Variants in LRP1B observed in about 807,000 individuals in gnomAD.
LRP1B encodes low-density lipoprotein receptor-related protein 1B.
In LRP1B, 217 loss-of-function variants were observed where a neutral mutation model predicts 556.6. That is an observed-to-expected ratio of 0.39 (90% CI 0.35 to 0.44). LRP1B has a LOEUF of 0.44. LRP1B is among the 20% of genes least tolerant of loss of function. The pLI is 1.00. For synonymous variants in LRP1B, 2,047 were observed against 1,865.8 expected, an observed-to-expected ratio of 1.10 and a Z score of -2.50; for missense variants, 5,053 against 5,620.8, an observed-to-expected ratio of 0.90 and a Z score of 3.23.
chr2:140,997,624 G>T (rs1573965077), intron 15 of LRP1B, among the ~76,000 whole-genome samples: 2 of 151,694 alleles, frequency 1.3e-5, no homozygotes, highest in Admixed American at 6.6e-5. Context: ...AATAGCATTT[G>T]TCCTGGAACA....
intron 2 of LRP1B, among the ~76,000 whole-genome samples, chr2:141,566,245 GA>G (rs1326290960): frequency 6.6e-6 from 1 of 151,310 alleles, no homozygotes. Context: ...GGCAGACTGG[GA>G]AATTAAAACT....
intron 31 of LRP1B, among the ~76,000 whole-genome samples, chr2:140,815,627 A>C (rs1356416375): frequency 6.6e-6 from 1 of 152,152 alleles, no homozygotes; most frequent in Non-Finnish European, 1.5e-5. Flanking sequence ...TGATCTGGGC[A>C]CTGGTTATAT....
At chr2:141,541,890 T>C (rs1485703734) in intron 2 of LRP1B, among the ~76,000 whole-genome samples, 2 of 152,042 alleles carry the variant, frequency 1.3e-5, no homozygotes, top group Non-Finnish European at 2.9e-5. Context: ...AATCTGTAAA[T>C]TGCTAAATAT....
At chr2:141,920,450 G>C (rs1431190359) in intron 1 of LRP1B, among the ~76,000 whole-genome samples, 1 of 151,900 alleles carries the variant, frequency 6.6e-6, no homozygotes, top group Non-Finnish European at 1.5e-5. Flanking sequence ...AGAAAGAAGA[G>C]AAAGAAAATG....
chr2:140,775,905 C>T (rs145638807), intron 33 of LRP1B, among the ~76,000 whole-genome samples, 193 bp downstream of exon 33: 1 of 152,210 alleles, frequency 6.6e-6, no homozygotes, highest in East Asian at 1.9e-4. Flanking sequence ...GGCAGGTTTG[C>T]TAATGCTTTC....
intron 3 of LRP1B, among the ~76,000 whole-genome samples, chr2:141,362,511 C>T (rs756684748): frequency 1.3e-5 from 2 of 152,236 alleles, no homozygotes; most frequent in Non-Finnish European, 2.9e-5. Context: ...AGCAGTAAAA[C>T]TTTGCCACTT....
At chr2:141,986,384 G>A (rs370281558) in intron 1 of LRP1B, among the ~76,000 whole-genome samples, 3 of 151,878 alleles carry the variant, frequency 2.0e-5, no homozygotes, top group Admixed American at 6.6e-5. Flanking sequence ...TGTAAATACA[G>A]TTTCATCTGT....
intron 3 of LRP1B, among the ~76,000 whole-genome samples, chr2:141,312,382 A>T (rs1686845632): frequency 6.6e-6 from 1 of 152,082 alleles, no homozygotes; most frequent in South Asian, 2.1e-4. Context: ...ATCTTACTTT[A>T]TTGTAAGAAT....
intron 2 of LRP1B, among the ~76,000 whole-genome samples, chr2:141,775,847 T>C (rs888182918): frequency 1.3e-5 from 2 of 151,408 alleles, no homozygotes; most frequent in Admixed American, 1.3e-4. Context: ...TTTTCCTTTT[T>C]TTTTTTTTTT....
intron 7 of LRP1B, among the ~76,000 whole-genome samples, chr2:141,088,460 A>G (rs1185480677): frequency 6.6e-6 from 1 of 152,180 alleles, no homozygotes; most frequent in Non-Finnish European, 1.5e-5. Context: ...CCTGCTTGAA[A>G]ATGACGGCTT....
chr2:141,101,222 A>G (rs1700452300), intron 7 of LRP1B, among the ~76,000 whole-genome samples: 1 of 152,158 alleles, frequency 6.6e-6, no homozygotes, highest in South Asian at 2.1e-4. Flanking sequence ...GAGCAGGACC[A>G]GGGAAGACTC....
At chr2:142,028,632 C>T (rs778767953) in intron 1 of LRP1B, among the ~76,000 whole-genome samples, 3 of 151,918 alleles carry the variant, frequency 2.0e-5, no homozygotes, top group Non-Finnish European at 4.4e-5. Flanking sequence ...TTGATATAAA[C>T]ATTCACATAC....
At chr2:141,551,322 T>C (rs1417260459) in intron 2 of LRP1B, among the ~76,000 whole-genome samples, 3 of 152,154 alleles carry the variant, frequency 2.0e-5, no homozygotes, top group South Asian at 4.1e-4. Flanking sequence ...TCCAAGGTTA[T>C]TCATTAAACA....
At chr2:140,661,023 C>T (rs536999105) in intron 41 of LRP1B, among the ~76,000 whole-genome samples, 84 of 151,860 alleles carry the variant, frequency 5.5e-4, no homozygotes, top group Non-Finnish European at 1.1e-3. Context: ...TCTATGAAAC[C>T]CATTTGCCCT....
intron 6 of LRP1B, among the ~76,000 whole-genome samples, chr2:141,225,018 AT>A (rs2105284543): frequency 6.6e-6 from 1 of 152,312 alleles, no homozygotes; most frequent in Non-Finnish European, 1.5e-5. Context: ...GAATTCAATA[AT>A]TATGCAATAA....
At chr2:140,319,997 A>G (rs1009792113) in intron 82 of LRP1B, among the ~76,000 whole-genome samples, 10 of 152,154 alleles carry the variant, frequency 6.6e-5, no homozygotes, top group Admixed American at 6.6e-4. Flanking sequence ...CACACTAACT[A>G]AAATGAATGA....
At chr2:141,628,776 T>C (rs902974120) in intron 2 of LRP1B, among the ~76,000 whole-genome samples, 1 of 151,956 alleles carries the variant, frequency 6.6e-6, no homozygotes, top group Non-Finnish European at 1.5e-5. Context: ...GCCTCCTGAG[T>C]AGCTGGGACT....
chr2:140,728,145 A>G (rs1687656880), intron 35 of LRP1B, among the ~76,000 whole-genome samples: 1 of 64,272 alleles, frequency 1.6e-5, no homozygotes, highest in Non-Finnish European at 3.2e-5. Context: ...TGCATTAAAC[A>G]TTACTTGTTA....
chr2:140,359,136 A>C (rs1380596100), intron 72 of LRP1B, among the ~76,000 whole-genome samples, 190 bp from the exon 73 acceptor site: 1 of 151,690 alleles, frequency 6.6e-6, no homozygotes, highest in Non-Finnish European at 1.5e-5. Flanking sequence ...ACTACAGAAA[A>C]ATGTGCACAG....
Sources: gnomAD v4.1 joint callset for allele counts (sites outside exome capture counted in the v4.1 genomes callset) on GRCh38, gnomAD v4.1.1 for gene constraint, MANE v1.5 for transcripts, NCBI Gene and HGNC (gene_info 2026-07-23, HGNC 2026-07-21) for gene names.